BCORL1: variants seen among roughly 807,000 people sequenced by gnomAD.
BCORL1 encodes BCL-6 corepressor-like protein 1.
A neutral mutation model predicts 87.6 loss-of-function variants in BCORL1; 7 were observed. The ratio of observed to expected loss-of-function variants is 0.08; its 90% CI spans 0.05 to 0.15. BCORL1 has a LOEUF of 0.15. Among genes scored for constraint, BCORL1 ranks in the 10% least tolerant of loss-of-function variants. The probability of loss-of-function intolerance (pLI) is 1.00; values close to 1 mark genes in which losing one functional copy is unlikely to be tolerated. For synonymous variants in BCORL1, 591 were observed against 634.4 expected (o/e 0.93, Z 1.03); for missense variants, 1,215 against 1,499.7 (o/e 0.81, Z 3.13).
intron 11 of BCORL1, among the ~76,000 whole-genome samples, chrX:130,042,460 A>G (rs773484152): frequency 6.3e-5 from 7 of 111,131 alleles, no homozygotes; most frequent in African/African-American, 2.3e-4. Flanking sequence ...TCAGGAGCCA[A>G]TGGGTTGCTA....
rs1244489442 is a variant in BCORL1, at chrX:130,028,639, A to G, written c.4083A>G (p.Leu1361=). Residue 1361 remains leucine (L), a synonymous_variant, in exon 8 of 14, where the codon TTA becomes TTG. Transcript: ENST00000540052. ...TTTCCTGTTTCTTGCCTTCAGATTTAAAGGCCCGTAAGCAGAAGACTTCCT... is the reference window on the plus strand; with the variant it reads ...TTTCCTGTTTCTTGCCTTCAGATTTGAAGGCCCGTAAGCAGAAGACTTCCT... ...DEQRRKGRAD[L]KARKQKTSSS... The G allele has an allele frequency of 8.3e-7, 1 of 1,203,306 alleles. No individual in the cohort carries two copies. The highest frequency in any genetic ancestry group is 1.8e-5 in the South Asian group (1 of 56,524).
chrX:130,044,145 C>CT (rs1931590272), intron 11 of BCORL1, among the ~76,000 whole-genome samples: 1 of 108,878 alleles, frequency 9.2e-6, no homozygotes, highest in Non-Finnish European at 1.9e-5. Context: ...CTCTCGTGAT[C>CT]TACCCGCCTC....
At position 130,015,218 on chromosome X, in the gene BCORL1, C is replaced by T. The variant is rs1929315084; in HGVS notation, c.2446C>T (p.Arg816Trp). 9.9e-6 allele frequency: 12 copies of T among 1,212,187 alleles called. No individual in the cohort carries two copies. Among genetic ancestry groups the T allele is most frequent in the South Asian group, 3.5e-5 (2 of 57,051 alleles). The part of the protein sequence containing the change: ...KPTGPANIYP[R>W]CSVNGKPTST... ...CACGGGGCCGGCAAATATTTATCCCCGGTGTTCAGTCAATGGGAAACCTAC... is the reference window on the plus strand; with the variant it reads ...CACGGGGCCGGCAAATATTTATCCCTGGTGTTCAGTCAATGGGAAACCTAC... Residue 816 changes from arginine (R) to tryptophan (W), a missense_variant, in exon 4 of 14, where the codon CGG (arginine) becomes TGG (tryptophan). Physicochemically the swap from Arg to Trp is moderately radical, Grantham distance 101. This residue lies in a region of BCORL1 where 861 missense variants were observed against 1,010.0 expected (regional missense o/e 0.85). Transcript: ENST00000540052.
At chrX:129,981,014 C>G (rs1237857848), upstream of BCORL1, 1 of 107,986 alleles carries the variant, frequency 9.3e-6, no homozygotes, top group Non-Finnish European at 1.9e-5. Flanking sequence ...GAGGGAGGCC[C>G]GCGGCGGCGC....
At chrX:130,002,896 G>A (rs1603087902) in intron 1 of BCORL1, among the ~76,000 whole-genome samples, 1 of 110,166 alleles carries the variant, frequency 9.1e-6, no homozygotes, top group East Asian at 2.9e-4. Context: ...CAAGGGAAAG[G>A]CCAGGCCCCA....
rs1166329036 is a variant in BCORL1 at position 130,041,296 on chromosome X, A to G, written c.4840+2014A>G. 1.7e-4 allele frequency among the ~76,000 whole-genome samples: 18 copies of G among 102,966 alleles called. No homozygotes were observed. The East Asian group carries it at 3.4e-3, about 19-fold the overall frequency. 89.4% of individuals were successfully genotyped at this position (102,966 alleles called of 115,157 possible). A position where few individuals can be genotyped will look rare whatever the true frequency, so the allele number is the denominator to read the frequency against. ...AGTGTCTCAAAAAAAAAAAAAAAAA[A>G]AAAAGAGACAGAGAGGAGAGAAATA... On this transcript the variant is annotated intron_variant, in intron 11 of 13. Coordinates refer to ENST00000540052, the MANE Select transcript of BCORL1 (RefSeq NM_001379451.1).
intron 1 of BCORL1, among the ~76,000 whole-genome samples, chrX:130,000,051 T>G (rs1248351380): frequency 2.7e-5 from 3 of 109,791 alleles, no homozygotes; most frequent in African/African-American, 1.0e-4. Flanking sequence ...GCTGGTTTTG[T>G]TTTTGTTTTT....
rs749324095 is a variant in BCORL1, at chrX:130,056,106, C to T, written c.5328C>T (p.Ser1776=). 3.4e-5 allele frequency: 40 copies of T among 1,181,120 alleles called. No individual in the cohort carries two copies. The highest frequency in any genetic ancestry group is 1.7e-4 in the Admixed American group (7 of 41,821). The change falls in exon 14 of 14, where the codon TCC becomes TCT. Residue 1776 remains serine, a synonymous_variant. Coordinates refer to ENST00000540052, the MANE Select transcript of BCORL1 (RefSeq NM_001379451.1). ...YEPDLLRLLG[S]EVEFQSCNS ...CAGACCTACTTCGGCTCCTAGGGTC[C>T]GAGGTGGAATTCCAGTCTTGCAACA... is the stretch of plus-strand genomic sequence containing the variant.
At position 130,057,181 on chromosome X, in the gene BCORL1, C is replaced by G. The variant is rs924453826; in HGVS notation, c.*1045C>G. Reference sequence around the variant, plus strand: ...GAGACTCACAGCACCCCTTTCCTTCCTCTCCTCCCACCTCCTCCCTCAGCC... The same window carrying G: ...GAGACTCACAGCACCCCTTTCCTTCGTCTCCTCCCACCTCCTCCCTCAGCC... On this transcript the variant is annotated 3_prime_UTR_variant, in exon 14 of 14. Transcript: ENST00000540052. 3 of 109,644 alleles carry G rather than the reference C, an allele frequency of 2.7e-5. No homozygotes were observed. The highest frequency in any genetic ancestry group is 5.7e-5 in the Non-Finnish European group (3 of 52,543). 9.0% of individuals were successfully genotyped at this position (109,644 alleles called of 1,213,427 possible). A position where few individuals can be genotyped will look rare whatever the true frequency, so the allele number is the denominator to read the frequency against.
At chrX:130,042,263 T>A (rs1403190835) in intron 11 of BCORL1, among the ~76,000 whole-genome samples, 4 of 110,594 alleles carry the variant, frequency 3.6e-5, no homozygotes, top group African/African-American at 1.3e-4. Flanking sequence ...TAATTTTGTA[T>A]TTTATCTTTT....
At chrX:129,990,981 G>A (rs4830172) in intron 1 of BCORL1, among the ~76,000 whole-genome samples, 16,109 of 111,257 alleles carry the variant, frequency 0.14, 865 homozygotes, top group South Asian at 0.27. Flanking sequence ...TGTTGCCCAG[G>A]TTAGAGTGCA....
chrX:130,019,935 G>A (rs901278865), intron 4 of BCORL1, among the ~76,000 whole-genome samples: 3 of 112,455 alleles, frequency 2.7e-5, no homozygotes, highest in Non-Finnish European at 5.6e-5. Flanking sequence ...GTGAGAATAC[G>A]TGACTGTTAG....
intron 1 of BCORL1, among the ~76,000 whole-genome samples, chrX:129,988,465 A>T (rs188470348): frequency 1.8e-3 from 193 of 105,661 alleles, no homozygotes; most frequent in South Asian, 0.018. Context: ...TCTTTTTTTT[A>T]AAAAAAAAAA....
At chrX:130,052,134 G>C in intron 13 of BCORL1, 118 bp downstream of exon 13, 1 of 765,254 alleles carries the variant, frequency 1.3e-6, no homozygotes, top group Non-Finnish European at 1.8e-6. Context: ...ACATGACAAA[G>C]GCTAGCCTGC....
chrX:130,043,772 A>T lies in BCORL1; in HGVS notation c.4840+4490A>T, dbSNP rs868298434. On this transcript the variant is annotated intron_variant, in intron 11 of 13. Coordinates refer to ENST00000540052, the MANE Select transcript of BCORL1 (RefSeq NM_001379451.1). Reference sequence around the variant, plus strand: ...TATATATATATATATATATATATATATATATATATATATTTTTTTTTTTTT... The same window carrying T: ...TATATATATATATATATATATATATTTATATATATATATTTTTTTTTTTTT... Among the ~76,000 whole-genome samples, 6 of 19,972 alleles carry T rather than the reference A, an allele frequency of 3.0e-4. 1 individual carries two copies. The highest frequency in any genetic ancestry group is 2.3e-3 in the African/African-American group (6 of 2,661). 17.3% of individuals were successfully genotyped at this position (19,972 alleles called of 115,157 possible). A position where few individuals can be genotyped will look rare whatever the true frequency, so the allele number is the denominator to read the frequency against.
intron 1 of BCORL1, among the ~76,000 whole-genome samples, chrX:129,991,670 T>C (rs1927173346): frequency 2.2e-5 from 2 of 90,820 alleles, no homozygotes; most frequent in South Asian, 1.2e-3. Context: ...TTTTTTTTTT[T>C]TTTTTGAGAC....
chrX:130,007,719 A>G (rs1928606820), intron 2 of BCORL1, among the ~76,000 whole-genome samples: 1 of 112,131 alleles, frequency 8.9e-6, no homozygotes, highest in African/African-American at 3.2e-5. Flanking sequence ...AATCAGTTGA[A>G]CCCGAGAGGT....
chrX:130,038,598 C>T (rs1236440263), intron 10 of BCORL1, among the ~76,000 whole-genome samples: 3 of 110,476 alleles, frequency 2.7e-5, no homozygotes, highest in Non-Finnish European at 5.7e-5. Context: ...TCTCCTGCCT[C>T]AGCCTTCTGA....
chrX:130,024,536 C>G (rs1326423787), intron 6 of BCORL1, among the ~76,000 whole-genome samples: 3 of 110,972 alleles, frequency 2.7e-5, no homozygotes, highest in Non-Finnish European at 5.7e-5. Flanking sequence ...CCTCCCTTGC[C>G]CTGTCTGAGA....
Sources: allele counts gnomAD v4.1 joint callset (sites outside exome capture counted in the v4.1 genomes callset), GRCh38; gene constraint gnomAD v4.1.1; regional missense constraint gnomAD v4.1.1; transcripts MANE v1.5; gene names NCBI Gene and HGNC (gene_info 2026-07-23, HGNC 2026-07-21).